U2AF2: variants seen among roughly 807,000 people sequenced by gnomAD.
The protein encoded by U2AF2 is U2 small nuclear RNA auxiliary factor 2.
In U2AF2, 6 loss-of-function variants were observed where a neutral mutation model predicts 52.6. The ratio of observed to expected loss-of-function variants is 0.11; its 90% CI spans 0.06 to 0.23. U2AF2 has a LOEUF of 0.23. Among genes scored for constraint, U2AF2 ranks in the 10% least tolerant of loss-of-function variants. The pLI is 1.00. For missense variants in U2AF2, 222 were observed against 677.1 expected, an observed-to-expected ratio of 0.33 and a Z score of 7.46; for synonymous variants, 284 against 258.2, an observed-to-expected ratio of 1.10 and a Z score of -0.96.
chr19:55,658,255 C>T (rs547190181), intron 1 of U2AF2, among the ~76,000 whole-genome samples: 3 of 152,214 alleles, frequency 2.0e-5, no homozygotes, highest in Non-Finnish European at 4.4e-5. Flanking sequence ...ATCTGGGTGT[C>T]TTTGAATTAA....
chr19:55,660,146 C>A, intron 2 of U2AF2, 31 bp from the exon 3 acceptor site: 2 of 1,588,784 alleles, frequency 1.3e-6, no homozygotes, highest in East Asian at 2.2e-5. Flanking sequence ...CCCAGTCACC[C>A]CTCCCCATAC....
intron 1 of U2AF2, among the ~76,000 whole-genome samples, chr19:55,658,618 T>C (rs1172256730): frequency 1.3e-5 from 2 of 152,150 alleles, no homozygotes; most frequent in Admixed American, 6.5e-5. Context: ...CTCTTTCCCC[T>C]TCAGTCTGCA....
At chr19:55,658,352 G>C (rs1983933699) in intron 1 of U2AF2, among the ~76,000 whole-genome samples, 1 of 131,482 alleles carries the variant, frequency 7.6e-6, no homozygotes, top group Non-Finnish European at 1.5e-5. Context: ...TCTCTCTTCA[G>C]GGGTTGAAGG....
chr19:55,668,391 C>A lies in U2AF2; in HGVS notation c.743-116C>A. ...GGTGGGCACGTGGCGACCCCTCCCT[C>A]GTCAGATCAGGCAGGAAGTGTTCTC... On this transcript the variant is annotated intron_variant, in intron 7 of 11. Coordinates refer to ENST00000308924, the MANE Select transcript of U2AF2 (RefSeq NM_007279.3). The surrounding 1 kb of genome is among the most constrained non-coding windows in gnomAD (Gnocchi z 5.5). The A allele has an allele frequency of 9.4e-7, 1 of 1,060,968 alleles. No individual in the cohort carries two copies. The highest frequency in any genetic ancestry group is 1.3e-6 in the Non-Finnish European group (1 of 749,394). 65.7% of individuals were successfully genotyped at this position (1,060,968 alleles called of 1,614,324 possible). A position where few individuals can be genotyped will look rare whatever the true frequency, so the allele number is the denominator to read the frequency against.
chr19:55,662,236 C>T (rs1249276864), intron 5 of U2AF2: 5 of 372,628 alleles, frequency 1.3e-5, no homozygotes, highest in East Asian at 4.5e-5. Context: ...TTTTGGGGCC[C>T]CTGTGGCTGT....
At chr19:55,663,409 T>C (rs1984344618) in intron 6 of U2AF2, among the ~76,000 whole-genome samples, 197 bp from the exon 7 acceptor site, 1 of 152,338 alleles carries the variant, frequency 6.6e-6, no homozygotes, top group Non-Finnish European at 1.5e-5. Flanking sequence ...GGGTGCCTGG[T>C]GTTTTTAATG....
intron 5 of U2AF2, 171 bp downstream of exon 5, chr19:55,661,360 G>A (rs1046102552): frequency 1.4e-5 from 9 of 656,692 alleles, no homozygotes; most frequent in East Asian, 3.4e-5. Flanking sequence ...CCGGGCTGGG[G>A]GTGGCCCTCC....
At chr19:55,673,881 CTGGCTGT>C in intron 11 of U2AF2, 46 bp from the exon 12 acceptor site, 1 of 1,567,944 alleles carries the variant, frequency 6.4e-7, no homozygotes, top group Non-Finnish European at 8.7e-7. Context: ...TGGACGCTGA[CTGGCTGT>C]TGGGCGTGAG....
Position 55,668,487 on chromosome 19 carries a change from C to G in U2AF2, c.743-20C>G, listed in dbSNP as rs200272226. Reference sequence around the variant, plus strand: ...ATAACCTGGTACTGGAATTGAAGTCCTCCTCTTCTCTACCCATAGGGGTTG... The same window carrying G: ...ATAACCTGGTACTGGAATTGAAGTCGTCCTCTTCTCTACCCATAGGGGTTG... On this transcript the variant is annotated intron_variant, in intron 7 of 11. Coordinates refer to ENST00000308924, the MANE Select transcript of U2AF2 (RefSeq NM_007279.3). This position sits in a 1 kb window ranked among gnomAD's most constrained non-coding sequence, Gnocchi z 5.5. 1.3e-6 allele frequency: 2 copies of G among 1,559,972 alleles called. No individual in the cohort carries two copies. Among genetic ancestry groups the G allele is most frequent in the Admixed American group, 1.9e-5 (1 of 53,158 alleles).
At chr19:55,671,501 T>TG (rs1232122989) in intron 11 of U2AF2, 1 of 152,210 alleles carries the variant, frequency 6.6e-6, no homozygotes, top group Non-Finnish European at 1.5e-5. Context: ...TGAGGGCTGA[T>TG]GGACACTCAG....
chr19:55,655,971 C>T (rs1373045218), intron 1 of U2AF2, among the ~76,000 whole-genome samples: 1 of 152,106 alleles, frequency 6.6e-6, no homozygotes, highest in Non-Finnish European at 1.5e-5. Context: ...TCTCAGATCT[C>T]AATATAGAGA....
intron 11 of U2AF2, chr19:55,671,732 TG>T (rs1293087080): frequency 6.6e-6 from 1 of 152,326 alleles, no homozygotes; most frequent in Non-Finnish European, 1.5e-5. Context: ...GGTGCTGGGA[TG>T]GAGCTTGGCT....
intron 11 of U2AF2, among the ~76,000 whole-genome samples, chr19:55,671,128 G>A (rs1242943927): frequency 6.6e-6 from 1 of 152,118 alleles, no homozygotes; most frequent in African/African-American, 2.4e-5. Flanking sequence ...GCATTTTTGA[G>A]GTGATTGTGG....
chr19:55,659,426 G>C, intron 2 of U2AF2, 81 bp downstream of exon 2: 1 of 1,385,416 alleles, frequency 7.2e-7, no homozygotes, highest in South Asian at 1.6e-5. Context: ...GCCTGTGTGT[G>C]TCTGTGTCTG....
chr19:55,664,079 C>G (rs1406015537), intron 7 of U2AF2: 1 of 264,418 alleles, frequency 3.8e-6, no homozygotes, highest in Non-Finnish European at 7.3e-6. Context: ...AGGGCTCAGT[C>G]TGTGCCCGTC....
chr19:55,660,363 C>T (rs1984096595), intron 3 of U2AF2, 142 bp downstream of exon 3: 2 of 1,117,758 alleles, frequency 1.8e-6, no homozygotes, highest in East Asian at 2.6e-5. Context: ...CACCCCTTTC[C>T]CAGGCCCTGC....
intron 11 of U2AF2, among the ~76,000 whole-genome samples, chr19:55,670,424 C>T (rs1984822264): frequency 6.6e-6 from 1 of 152,050 alleles, no homozygotes; most frequent in African/African-American, 2.4e-5. Context: ...GAATAGAGGT[C>T]CCTGCTGTCC....
At chr19:55,661,318 A>C in intron 5 of U2AF2, 129 bp downstream of exon 5, 1 of 1,063,020 alleles carries the variant, frequency 9.4e-7, no homozygotes, top group Admixed American at 3.6e-5. Flanking sequence ...GCCCCCTCCC[A>C]GACGGACCGA....
chr19:55,664,101 G>A (rs1040010468), intron 7 of U2AF2: 51 of 219,410 alleles, frequency 2.3e-4, no homozygotes, highest in African/African-American at 1.2e-3. Flanking sequence ...GGGCTGCTGT[G>A]TGTCGACGGT....
Sources: gnomAD v4.1 joint callset for allele counts (sites outside exome capture counted in the v4.1 genomes callset) on GRCh38, gnomAD v4.1.1 for gene constraint, Gnocchi (gnomAD v3.1) non-coding constraint, MANE v1.5 for transcripts, NCBI Gene and HGNC (gene_info 2026-07-23, HGNC 2026-07-21) for gene names.